Variants in MTA1 observed in about 807,000 individuals in gnomAD.
MTA1 encodes metastasis-associated protein MTA1.
Under a neutral mutation model 97.0 loss-of-function variants are expected in MTA1, and 15 were observed. The ratio of observed to expected loss-of-function variants is 0.15; its 90% CI spans 0.10 to 0.24. The LOEUF (loss-of-function observed/expected upper bound fraction) is 0.24. MTA1 is among the 10% of genes least tolerant of loss of function. MTA1 has a pLI of 1.00. For missense variants in MTA1, 709 were observed against 1,015.1 expected (o/e 0.70, Z 4.10); for synonymous variants, 435 against 417.5 (o/e 1.04, Z -0.51).
At chr14:105,469,371 G>A (rs1478392893) in intron 18 of MTA1, 96 bp from the exon 19 acceptor site, 7 of 1,381,318 alleles carry the variant, frequency 5.1e-6, no homozygotes, top group South Asian at 4.7e-5. Flanking sequence ...AGATGGCCCC[G>A]GCCCATTGTC....
Position 105,450,339 on chromosome 14 carries a change from G to A in MTA1, c.432+15G>A, listed in dbSNP as rs782484850. On this transcript the variant is annotated intron_variant, in intron 6 of 20. Transcript: ENST00000331320. Reference sequence around the variant, plus strand: ...TGGAGCGGGAGGTGAGGCCCAGCCCGGCCTGGTCTGCCGCAGCCAGTCCCG... The same window carrying A: ...TGGAGCGGGAGGTGAGGCCCAGCCCAGCCTGGTCTGCCGCAGCCAGTCCCG... The A allele has an allele frequency of 1.4e-5, 22 of 1,595,726 alleles. No homozygotes were observed. Among genetic ancestry groups the A allele is most frequent in the Middle Eastern group, 1.7e-4 (1 of 6,024 alleles).
chr14:105,434,302 T>A (rs1555423961), intron 1 of MTA1, among the ~76,000 whole-genome samples: 1 of 152,216 alleles, frequency 6.6e-6, no homozygotes, highest in East Asian at 1.9e-4. Context: ...TTTAGATCTT[T>A]GCTGATTTTT....
intron 15 of MTA1, 94 bp from the exon 16 acceptor site, chr14:105,465,000 C>T (rs1274237964): frequency 7.0e-7 from 1 of 1,421,682 alleles, no homozygotes. Context: ...GCTGACATGG[C>T]CGAGCCCAGT....
chr14:105,464,393 A>G (rs367782808), intron 13 of MTA1, 23 bp from the exon 14 acceptor site: 21 of 1,610,886 alleles, frequency 1.3e-5, no homozygotes, highest in African/African-American at 1.3e-5. Flanking sequence ...GAATCCGTCT[A>G]TTTCCAACTT....
intron 10 of MTA1, among the ~76,000 whole-genome samples, chr14:105,461,883 G>T (rs925030539): frequency 1.3e-5 from 2 of 152,176 alleles, no homozygotes; most frequent in Non-Finnish European, 2.9e-5. Context: ...TCTCCAAGGC[G>T]GATACGGATC....
chr14:105,462,494 C>T (rs1348460147), intron 10 of MTA1, among the ~76,000 whole-genome samples: 1 of 150,224 alleles, frequency 6.7e-6, no homozygotes, highest in Non-Finnish European at 1.5e-5. Flanking sequence ...ACTTGAACCC[C>T]CGGGGGTGGA....
Position 105,454,460 on chromosome 14 carries a change from G to A in MTA1, c.550+150G>A, listed in dbSNP as rs2083065938. On this transcript the variant is annotated intron_variant, in intron 7 of 20. Transcript: ENST00000331320. ...TGTAGGCCTGGGCTCTGTCCACATG[G>A]GTGATGCGTGTAGGCTGGTGTCCCG... The A allele has an allele frequency of 1.0e-4, 63 of 622,710 alleles. No individual in the cohort carries two copies. The South Asian group carries it at 1.1e-3, about 10-fold the overall frequency. The allele number at this position is 622,710 out of a possible 1,614,324, so 38.6% of individuals were successfully genotyped here. A position where few individuals can be genotyped will look rare whatever the true frequency, so the allele number is the denominator to read the frequency against.
At chr14:105,452,007 G>T (rs2082962902) in intron 6 of MTA1, among the ~76,000 whole-genome samples, 1 of 152,110 alleles carries the variant, frequency 6.6e-6, no homozygotes, top group South Asian at 2.1e-4. Flanking sequence ...AGCCGGGCTG[G>T]TCTCAAACTC....
At chr14:105,458,505 C>T (rs1595390310) in intron 8 of MTA1, 133 bp downstream of exon 8, 2 of 773,014 alleles carry the variant, frequency 2.6e-6, no homozygotes, top group East Asian at 5.4e-5. Flanking sequence ...CGCTGCAGCC[C>T]TGAGACCCCC....
At chr14:105,425,941 G>A (rs1566996795) in intron 1 of MTA1, among the ~76,000 whole-genome samples, 1 of 152,052 alleles carries the variant, frequency 6.6e-6, no homozygotes, top group Non-Finnish European at 1.5e-5. Context: ...CGCACCTGAG[G>A]GGTCTGAGGT....
chr14:105,437,783 T>G (rs937793631), intron 1 of MTA1, among the ~76,000 whole-genome samples: 4 of 152,184 alleles, frequency 2.6e-5, no homozygotes, highest in Admixed American at 6.5e-5. Context: ...GTGGTGCTGG[T>G]TCGTGAGGAC....
intron 1 of MTA1, among the ~76,000 whole-genome samples, chr14:105,435,698 G>C (rs1190758284): frequency 6.6e-6 from 1 of 152,220 alleles, no homozygotes; most frequent in Admixed American, 6.5e-5. Context: ...TCTGGGCGCA[G>C]AGTTCTTGTT....
At chr14:105,458,399 G>A in intron 8 of MTA1, 27 bp downstream of exon 8, 1 of 1,598,970 alleles carries the variant, frequency 6.3e-7, no homozygotes, top group Non-Finnish European at 8.6e-7. Flanking sequence ...GGCAAGGCCA[G>A]CAGGGGTGGT....
At chr14:105,436,162 G>A (rs1275559714) in intron 1 of MTA1, among the ~76,000 whole-genome samples, 4 of 152,108 alleles carry the variant, frequency 2.6e-5, no homozygotes, top group East Asian at 1.9e-4. Context: ...CCAGCTACTC[G>A]GGAGGTTGAG....
chr14:105,421,649 C>T (rs1555420925), intron 1 of MTA1, among the ~76,000 whole-genome samples: 1 of 152,260 alleles, frequency 6.6e-6, no homozygotes, highest in African/African-American at 2.4e-5. Context: ...GCTGCCCCCC[C>T]TCCAACCTTC....
rs113268229 is a variant in MTA1 at position 105,420,466 on chromosome 14, C to T, written c.28+403C>T. ...TTTGGGGCTGTGGGGTCTCCCCCGG[C>T]CCGCGGCCCTGTGCTGGGACTCCGG... On this transcript the variant is annotated intron_variant, in intron 1 of 20. Coordinates refer to ENST00000331320, the MANE Select transcript of MTA1 (RefSeq NM_004689.4). This position sits in a 1 kb window ranked among gnomAD's most constrained non-coding sequence, Gnocchi z 5.3. Among the ~76,000 whole-genome samples the T allele has an allele frequency of 1.3e-5, 2 of 152,110 alleles. No homozygotes were observed. The highest frequency in any genetic ancestry group is 2.9e-5 in the Non-Finnish European group (2 of 67,976).
At chr14:105,426,944 A>G (rs1302141236) in intron 1 of MTA1, among the ~76,000 whole-genome samples, 2 of 152,130 alleles carry the variant, frequency 1.3e-5, no homozygotes, top group Non-Finnish European at 2.9e-5. Flanking sequence ...GGAAAAGACA[A>G]AGTTCCTCTC....
chr14:105,449,520 C>A, intron 4 of MTA1, 111 bp downstream of exon 4: 1 of 1,219,460 alleles, frequency 8.2e-7, no homozygotes, highest in Non-Finnish European at 1.1e-6. Context: ...TGCCTGTGCC[C>A]TGCGCCCGGC....
In MTA1 at chr14:105,466,365, C is replaced by T. The variant is rs1268746650; in HGVS notation, c.1625-61C>T. The T allele has an allele frequency of 6.7e-6, 10 of 1,484,412 alleles. No individual in the cohort carries two copies. The African/African-American group carries it at 6.9e-5, about 10-fold the overall frequency. The allele number at this position is 1,484,412 out of a possible 1,614,324, so 92.0% of individuals were successfully genotyped here. ...GGAACCATGAGGGCTGGAGCCTGGG[C>T]CTGCCTGCCCCTCCCCTGCTGGGCA... On this transcript the variant is annotated intron_variant, in intron 16 of 20. Coordinates refer to ENST00000331320, the MANE Select transcript of MTA1 (RefSeq NM_004689.4).
Sources: gnomAD v4.1 joint callset for allele counts (sites outside exome capture counted in the v4.1 genomes callset) on GRCh38, gnomAD v4.1.1 for gene constraint, Gnocchi (gnomAD v3.1) non-coding constraint, MANE v1.5 for transcripts, NCBI Gene and HGNC (gene_info 2026-07-23, HGNC 2026-07-21) for gene names.